Variants in IL2RA observed in about 807,000 individuals in gnomAD.
IL2RA encodes interleukin-2 receptor subunit alpha.
In IL2RA, 24 loss-of-function variants were observed where a neutral mutation model predicts 37.8. The observed-to-expected ratio is 0.63, with a 90% CI of 0.46 to 0.89. The LOEUF (loss-of-function observed/expected upper bound fraction) is 0.89. Ranked by LOEUF, IL2RA falls within the 40% of genes least tolerant of loss-of-function variation. IL2RA has a pLI of 0.00. For missense variants in IL2RA, 319 were observed against 348.6 expected (o/e 0.92, Z 0.68); for synonymous variants, 125 against 114.6 (o/e 1.09, Z -0.58).
At position 6,047,975 on chromosome 10, in the gene IL2RA, C is replaced by T. The variant is rs1406870827; in HGVS notation, c.64+14113G>A. On this transcript the variant is annotated intron_variant, in intron 1 of 7. Coordinates refer to ENST00000379959, the MANE Select transcript of IL2RA (RefSeq NM_000417.3). The surrounding 1 kb of genome is among the most constrained non-coding windows in gnomAD (Gnocchi z 5.0). ...GGCACAGAGAGGCCCAGTGACTTGC[C>T]CAGAGACACACAGCCCCTCAGTGGT... 2.0e-5 allele frequency among the ~76,000 whole-genome samples: 3 copies of T among 152,174 alleles called. No individual in the cohort carries two copies. Among genetic ancestry groups the T allele is most frequent in the Non-Finnish European group, 4.4e-5 (3 of 68,032 alleles).
In IL2RA at chr10:6,057,576, C is replaced by T. The variant is rs138021553; in HGVS notation, c.64+4512G>A. ...CAGAGAGAAATCTGTCAAAAACTCA[C>T]GCCCTCCCCGTGTCCTCTCCTCAGT... On this transcript the variant is annotated intron_variant, in intron 1 of 7. Coordinates refer to ENST00000379959, the MANE Select transcript of IL2RA (RefSeq NM_000417.3). This position sits in a 1 kb window ranked among gnomAD's most constrained non-coding sequence, Gnocchi z 4.8. Among the ~76,000 whole-genome samples the T allele has an allele frequency of 1.2e-3, 177 of 152,316 alleles. No individual in the cohort carries two copies. Among genetic ancestry groups the T allele is most frequent in the African/African-American group, 3.8e-3 (160 of 41,576 alleles).
At position 6,054,363 on chromosome 10, in the gene IL2RA, T is replaced by C. The variant is rs1349591408; in HGVS notation, c.64+7725A>G. On this transcript the variant is annotated intron_variant, in intron 1 of 7. Coordinates refer to ENST00000379959, the MANE Select transcript of IL2RA (RefSeq NM_000417.3). This position sits in a 1 kb window ranked among gnomAD's most constrained non-coding sequence, Gnocchi z 4.5. ...TCTTTGGCTGCCATCCAGGGTCATG[T>C]GGTGCTGGTGATAAGTGATCAGTGA... Among the ~76,000 whole-genome samples the C allele has an allele frequency of 1.3e-5, 2 of 152,152 alleles. No homozygotes were observed. Among genetic ancestry groups the C allele is most frequent in the African/African-American group, 4.8e-5 (2 of 41,440 alleles).
Position 6,025,718 on chromosome 10 carries a change from C to G in IL2RA, c.256+116G>C. The G allele has an allele frequency of 1.0e-6, 1 of 980,210 alleles. No individual in the cohort carries two copies. Among genetic ancestry groups the G allele is most frequent in the Non-Finnish European group, 1.6e-6 (1 of 619,950 alleles). 60.7% of individuals were successfully genotyped at this position (980,210 alleles called of 1,614,324 possible). A position where few individuals can be genotyped will look rare whatever the true frequency, so the allele number is the denominator to read the frequency against. ...TTCAGGAACCACTAAAATTAGTTAT[C>G]CTGTAGACTGGACTGGCCCATTTGT... On this transcript the variant is annotated intron_variant, in intron 2 of 7. Transcript: ENST00000379959. The surrounding 1 kb of genome is among the most constrained non-coding windows in gnomAD (Gnocchi z 4.4).
chr10:6,045,142 G>C (rs1181184076), intron 1 of IL2RA, among the ~76,000 whole-genome samples: 1 of 152,214 alleles, frequency 6.6e-6, no homozygotes, highest in Non-Finnish European at 1.5e-5. Context: ...ACACATCTCT[G>C]CAGTAATTAG....
At chr10:6,039,635 A>G (rs954528173) in intron 1 of IL2RA, 1 of 152,220 alleles carries the variant, frequency 6.6e-6, no homozygotes, top group Non-Finnish European at 1.5e-5. Flanking sequence ...AAGTCTAGAT[A>G]AGGAATAAAC....
At chr10:6,059,316 A>T (rs1175979077) in intron 1 of IL2RA, among the ~76,000 whole-genome samples, 2 of 152,186 alleles carry the variant, frequency 1.3e-5, no homozygotes, top group African/African-American at 4.8e-5. Context: ...ATCCAGGGAG[A>T]CCAGGTTCAA....
chr10:6,062,194 C>G lies in IL2RA; in HGVS notation c.-43G>C. On this transcript the variant is annotated 5_prime_UTR_variant, in exon 1 of 8. Transcript: ENST00000379959. ...CCAGCCGGGGCAGTGAAGCGGAGGT[C>G]TTTCTCTGCAGAAGGCCCAGTTGCC... 6.4e-7 allele frequency: 1 copy of G among 1,554,144 alleles called. No individual in the cohort carries two copies. The highest frequency in any genetic ancestry group is 8.9e-7 in the Non-Finnish European group (1 of 1,125,486).
chr10:6,024,925 C>T (rs201238458), intron 2 of IL2RA, among the ~76,000 whole-genome samples: 1 of 152,270 alleles, frequency 6.6e-6, no homozygotes, highest in East Asian at 1.9e-4. Flanking sequence ...ATCAGTATTC[C>T]AGCTCAGGAT....
rs907390161 is a variant in IL2RA at position 6,028,227 on chromosome 10, C to T, written c.65-2202G>A. Among the ~76,000 whole-genome samples, 1 of 152,048 alleles carries T rather than the reference C, an allele frequency of 6.6e-6. No individual in the cohort carries two copies. The highest frequency in any genetic ancestry group is 2.4e-5 in the African/African-American group (1 of 41,366). ...TTGTGGGGTGGGGCTCTGGAGAGGACACTGCATGAAGGTCGCCCCAAAATT... is the reference window on the plus strand; with the variant it reads ...TTGTGGGGTGGGGCTCTGGAGAGGATACTGCATGAAGGTCGCCCCAAAATT... On this transcript the variant is annotated intron_variant, in intron 1 of 7. Transcript: ENST00000379959. This position sits in a 1 kb window ranked among gnomAD's most constrained non-coding sequence, Gnocchi z 4.1.
intron 1 of IL2RA, among the ~76,000 whole-genome samples, chr10:6,026,996 T>A (rs529262436): frequency 1.3e-5 from 2 of 152,132 alleles, no homozygotes; most frequent in Non-Finnish European, 2.9e-5. Flanking sequence ...CCCCATCCAA[T>A]GGCTCAGGAC....
Position 6,021,577 on chromosome 10 carries a change from C to A in IL2RA, c.484G>T (p.Gly162Cys), listed in dbSNP as rs146966522. 1 of 1,614,010 alleles carries A rather than the reference C, an allele frequency of 6.2e-7. No individual in the cohort carries two copies. The highest frequency in any genetic ancestry group is 8.5e-7 in the Non-Finnish European group (1 of 1,179,976). The change falls in exon 4 of 8, where the codon GGT (glycine) becomes TGT (cysteine). Residue 162 changes from glycine (G) to cysteine (C), a missense_variant. Physicochemically the swap from Gly to Cys is radical, Grantham distance 159 (BLOSUM62 -3). Transcript: ENST00000379959. The surrounding 1 kb of genome is among the most constrained non-coding windows in gnomAD (Gnocchi z 4.9). ...CVQGYRALHR[G>C]PAESVCKMTH... ...ATTTTGCAGACGCTCTCAGCAGGAC[C>A]TCTGTGTAGAGCCCTGTATCCCTGG...
rs907546491 is a variant in IL2RA at position 6,015,326 on chromosome 10, C to T, written c.795-2430G>A. Among the ~76,000 whole-genome samples, 7 of 152,128 alleles carry T rather than the reference C, an allele frequency of 4.6e-5. No individual in the cohort carries two copies. Among genetic ancestry groups the T allele is most frequent in the Non-Finnish European group, 1.0e-4 (7 of 68,022 alleles). ...CAGGCTGGTCTCAAACTCCTGACCT[C>T]AAGTAATCCGCCTGCCTCGGCCTCC... On this transcript the variant is annotated intron_variant, in intron 7 of 7. Coordinates refer to ENST00000379959, the MANE Select transcript of IL2RA (RefSeq NM_000417.3). This position sits in a 1 kb window ranked among gnomAD's most constrained non-coding sequence, Gnocchi z 4.9.
chr10:6,019,869 C>A lies in IL2RA; in HGVS notation c.655+1G>T. Reference sequence around the variant, plus strand: ...GGTCCAGCGTTTGTCTTCTCCCGCACCTGTTGTTGTGACGAGGCAGGAAGT... The same window carrying A: ...GGTCCAGCGTTTGTCTTCTCCCGCAACTGTTGTTGTGACGAGGCAGGAAGT... On this transcript the variant is annotated splice_donor_variant, in intron 5 of 7. Coordinates refer to ENST00000379959, the MANE Select transcript of IL2RA (RefSeq NM_000417.3). LOFTEE classifies it high-confidence loss of function. 1 of 1,614,040 alleles carries A rather than the reference C, an allele frequency of 6.2e-7. No individual in the cohort carries two copies. The highest frequency in any genetic ancestry group is 8.5e-7 in the Non-Finnish European group (1 of 1,179,854).
At position 6,012,542 on chromosome 10, in the gene IL2RA, T is replaced by C. The variant is rs910851011; in HGVS notation, c.*330A>G. 57 of 448,696 alleles carry C rather than the reference T, an allele frequency of 1.3e-4. No homozygotes were observed. Among genetic ancestry groups the C allele is most frequent in the African/African-American group, 1.1e-3 (56 of 50,686 alleles). 27.8% of individuals were successfully genotyped at this position (448,696 alleles called of 1,614,324 possible). On this transcript the variant is annotated 3_prime_UTR_variant, in exon 8 of 8. Transcript: ENST00000379959. The surrounding 1 kb of genome is among the most constrained non-coding windows in gnomAD (Gnocchi z 4.8). Reference sequence around the variant, plus strand: ...ACTTTTCTTTATACTACATATAGGGTGGAGAGAGTTCCATACCATTCATGC... The same window carrying C: ...ACTTTTCTTTATACTACATATAGGGCGGAGAGAGTTCCATACCATTCATGC...
chr10:6,019,821 G>T, intron 5 of IL2RA, 49 bp downstream of exon 5: 1 of 1,549,122 alleles, frequency 6.5e-7, no homozygotes, highest in Non-Finnish European at 8.9e-7. Context: ...GGTCACCTCT[G>T]CCCTTTTGGA....
intron 1 of IL2RA, among the ~76,000 whole-genome samples, chr10:6,050,973 G>A (rs543591915): frequency 3.9e-5 from 6 of 152,164 alleles, no homozygotes; most frequent in Admixed American, 3.9e-4. Flanking sequence ...CAGCCAAAAG[G>A]CTCACCCTGT....
chr10:6,011,339 A>G lies in IL2RA; in HGVS notation c.*1533T>C, dbSNP rs1316362802. ...GGTGGGCGTGCAGAGCAATAACACA[A>G]TGGTTCTCAAAGTGTGTTCCTGGAA... is the stretch of plus-strand genomic sequence containing the variant. On this transcript the variant is annotated 3_prime_UTR_variant, in exon 8 of 8. Transcript: ENST00000379959. This position sits in a 1 kb window ranked among gnomAD's most constrained non-coding sequence, Gnocchi z 5.2. 2 of 152,140 alleles carry G rather than the reference A, an allele frequency of 1.3e-5. No individual in the cohort carries two copies. Among genetic ancestry groups the G allele is most frequent in the East Asian group, 1.9e-4 (1 of 5,340 alleles). 9.4% of individuals were successfully genotyped at this position (152,140 alleles called of 1,614,324 possible). A position where few individuals can be genotyped will look rare whatever the true frequency, so the allele number is the denominator to read the frequency against.
Position 6,035,709 on chromosome 10 carries a change from C to T in IL2RA, c.65-9684G>A, listed in dbSNP as rs1174741250. 6.6e-6 allele frequency among the ~76,000 whole-genome samples: 1 copy of T among 152,158 alleles called. No homozygotes were observed. Among genetic ancestry groups the T allele is most frequent in the East Asian group, 1.9e-4 (1 of 5,200 alleles). ...AGACAGCCAGCAGTGATCATTAATC[C>T]TGAAAATGCCGAGGGCTTTGGCCTG... is the stretch of plus-strand genomic sequence containing the variant. On this transcript the variant is annotated intron_variant, in intron 1 of 7. Coordinates refer to ENST00000379959, the MANE Select transcript of IL2RA (RefSeq NM_000417.3). The surrounding 1 kb of genome is among the most constrained non-coding windows in gnomAD (Gnocchi z 5.4).
In IL2RA at chr10:6,048,454, C is replaced by T. The variant is rs756177091; in HGVS notation, c.64+13634G>A. On this transcript the variant is annotated intron_variant, in intron 1 of 7. Transcript: ENST00000379959. This position sits in a 1 kb window ranked among gnomAD's most constrained non-coding sequence, Gnocchi z 5.3. ...TGTGAGGCATCCACACGGAAAGGTC[C>T]GAGGGAAGGGCCTTTGGCCATGCAG... is the stretch of plus-strand genomic sequence containing the variant. Among the ~76,000 whole-genome samples, 11 of 152,152 alleles carry T rather than the reference C, an allele frequency of 7.2e-5. No homozygotes were observed. Among genetic ancestry groups the T allele is most frequent in the Admixed American group, 1.3e-4 (2 of 15,280 alleles).
Sources: allele counts gnomAD v4.1 joint callset (sites outside exome capture counted in the v4.1 genomes callset), GRCh38; gene constraint gnomAD v4.1.1; non-coding constraint Gnocchi (gnomAD v3.1); transcripts MANE v1.5; gene names NCBI Gene and HGNC (gene_info 2026-07-23, HGNC 2026-07-21).